Variants in THADA observed in about 807,000 individuals in gnomAD.
The protein encoded by THADA is tRNA (32-2'-O)-methyltransferase regulator THADA.
A neutral mutation model predicts 219.8 loss-of-function variants in THADA; 213 were observed. The ratio of observed to expected loss-of-function variants is 0.97; its 90% confidence interval spans 0.87 to 1.09. The LOEUF (loss-of-function observed/expected upper bound fraction) is 1.09, where lower values mean the gene tolerates loss of function less well. Among genes scored for constraint, THADA ranks in the 50% least tolerant of loss-of-function variants. The pLI is 0.00. For synonymous variants in THADA, 1,018 were observed against 828.9 expected (o/e 1.23, Z -3.92); for missense variants, 2,956 against 2,311.3 (o/e 1.28, Z -5.72).
At chr2:43,541,133 C>A in intron 21 of THADA, 26 bp downstream of exon 21, 3 of 1,487,274 alleles carry the variant, frequency 2.0e-6, no homozygotes, top group African/African-American at 1.5e-5. Context: ...AGAAATTATA[C>A]ATGGTGGAAT....
At chr2:43,301,562 A>G (rs1676268511) in intron 31 of THADA, among the ~76,000 whole-genome samples, 1 of 152,240 alleles carries the variant, frequency 6.6e-6, no homozygotes, top group Non-Finnish European at 1.5e-5. Flanking sequence ...TCTAGGTGGA[A>G]CAGAAGGTTG....
At chr2:43,515,561 T>C (rs1445001312) in intron 22 of THADA, among the ~76,000 whole-genome samples, 2 of 148,174 alleles carry the variant, frequency 1.3e-5, no homozygotes, top group Non-Finnish European at 3.0e-5. Flanking sequence ...GTTCCATACC[T>C]GGAAAAAGCA....
intron 14 of THADA, among the ~76,000 whole-genome samples, chr2:43,568,925 C>G (rs1317398916): frequency 6.6e-6 from 1 of 152,132 alleles, no homozygotes; most frequent in Non-Finnish European, 1.5e-5. Context: ...ATCCTACACA[C>G]ACACTGGGGG....
intron 28 of THADA, among the ~76,000 whole-genome samples, chr2:43,405,929 G>C (rs1473897025): frequency 6.6e-6 from 1 of 152,204 alleles, no homozygotes; most frequent in African/African-American, 2.4e-5. Flanking sequence ...AAACTGTAGT[G>C]TGTGACCCCT....
chr2:43,489,858 T>C (rs373331362), intron 25 of THADA, among the ~76,000 whole-genome samples: 90 of 111,902 alleles, frequency 8.0e-4, no homozygotes, highest in African/African-American at 3.9e-3. Context: ...CATTTCCATA[T>C]GTATTTTAAG....
At chr2:43,334,837 G>T (rs1276840304) in intron 30 of THADA, among the ~76,000 whole-genome samples, 1 of 152,172 alleles carries the variant, frequency 6.6e-6, no homozygotes, top group Non-Finnish European at 1.5e-5. Context: ...CACTGGGATG[G>T]CGGCCCAGAC....
chr2:43,512,157 G>A (rs1416900505), intron 22 of THADA, among the ~76,000 whole-genome samples: 1 of 152,206 alleles, frequency 6.6e-6, no homozygotes, highest in Non-Finnish European at 1.5e-5. Context: ...TCTGCCCACT[G>A]CACCATGGAC....
At chr2:43,347,603 C>T (rs986220654) in intron 29 of THADA, among the ~76,000 whole-genome samples, 2 of 151,976 alleles carry the variant, frequency 1.3e-5, no homozygotes, top group Non-Finnish European at 2.9e-5. Flanking sequence ...AACAAATGCA[C>T]CACATAAATA....
intron 31 of THADA, among the ~76,000 whole-genome samples, chr2:43,297,782 G>A (rs866663906): frequency 9.8e-5 from 9 of 91,994 alleles, no homozygotes; most frequent in African/African-American, 2.1e-4. Context: ...TGGGGGGGTC[G>A]GCCCCCCGCC....
intron 29 of THADA, among the ~76,000 whole-genome samples, chr2:43,384,201 G>T (rs1318382523): frequency 6.6e-6 from 1 of 152,200 alleles, no homozygotes; most frequent in East Asian, 1.9e-4. Context: ...GACAAGGGGA[G>T]AGTAACAAAG....
intron 29 of THADA, among the ~76,000 whole-genome samples, chr2:43,346,454 A>G (rs1012927592): frequency 6.6e-6 from 1 of 152,094 alleles, no homozygotes; most frequent in African/African-American, 2.4e-5. Context: ...CTCTTAAAGG[A>G]TGGCAAGTAG....
At chr2:43,501,015 A>T (rs1688881719) in intron 24 of THADA, among the ~76,000 whole-genome samples, 1 of 152,032 alleles carries the variant, frequency 6.6e-6, no homozygotes, top group Non-Finnish European at 1.5e-5. Context: ...AATCTATAAG[A>T]CGTTTATGGG....
At chr2:43,477,814 A>G (rs1360260274) in intron 26 of THADA, among the ~76,000 whole-genome samples, 1 of 152,178 alleles carries the variant, frequency 6.6e-6, no homozygotes. Flanking sequence ...ACACTTCCAC[A>G]TGTCCTCTCT....
intron 36 of THADA, among the ~76,000 whole-genome samples, 182 bp downstream of exon 36, chr2:43,279,583 T>C (rs1311675062): frequency 7.9e-5 from 12 of 152,260 alleles, no homozygotes; most frequent in Non-Finnish European, 1.5e-5. Context: ...CAAAGTTTTA[T>C]TGGAACACAG....
chr2:43,349,779 G>T (rs531500404), intron 29 of THADA, among the ~76,000 whole-genome samples: 90 of 152,294 alleles, frequency 5.9e-4, no homozygotes, highest in Non-Finnish European at 8.5e-4. Context: ...AAATTCTGAA[G>T]ATTAAAAAAC....
intron 28 of THADA, among the ~76,000 whole-genome samples, chr2:43,405,048 C>G (rs1675365446): frequency 6.6e-6 from 1 of 152,168 alleles, no homozygotes; most frequent in South Asian, 2.1e-4. Context: ...CAAACAGGCT[C>G]CAAGTGCTCA....
At chr2:43,535,854 C>A (rs1437064653) in intron 21 of THADA, among the ~76,000 whole-genome samples, 1 of 151,984 alleles carries the variant, frequency 6.6e-6, no homozygotes, top group Non-Finnish European at 1.5e-5. Flanking sequence ...CTGACACTCG[C>A]TCTGTCACCA....
intron 3 of THADA, among the ~76,000 whole-genome samples, chr2:43,591,278 T>A (rs1383365098): frequency 1.3e-5 from 2 of 152,154 alleles, no homozygotes; most frequent in Non-Finnish European, 2.9e-5. Flanking sequence ...TGAGCCAAGA[T>A]CACACCAGTG....
At chr2:43,396,932 A>G (rs1360155064) in intron 29 of THADA, among the ~76,000 whole-genome samples, 2 of 152,228 alleles carry the variant, frequency 1.3e-5, no homozygotes, top group Non-Finnish European at 2.9e-5. Context: ...AATTAATGAT[A>G]ATAATAACAA....
Sources: allele counts gnomAD v4.1 joint callset (sites outside exome capture counted in the v4.1 genomes callset), GRCh38; gene constraint gnomAD v4.1.1; transcripts MANE v1.5; gene names NCBI Gene and HGNC (gene_info 2026-07-23, HGNC 2026-07-21).